Variants in EIF4G3 observed in about 807,000 individuals in gnomAD.
The protein encoded by EIF4G3 is eukaryotic translation initiation factor 4 gamma 3.
A neutral mutation model predicts 186.4 loss-of-function variants in EIF4G3; 34 were observed. The ratio of observed to expected loss-of-function variants is 0.18; its 90% confidence interval spans 0.14 to 0.24. The LOEUF (loss-of-function observed/expected upper bound fraction) is 0.24. Among genes scored for constraint, EIF4G3 ranks in the 10% least tolerant of loss-of-function variants. The probability of loss-of-function intolerance (pLI) is 1.00; values close to 1 mark genes in which losing one functional copy is unlikely to be tolerated. For missense variants in EIF4G3, 1,536 were observed against 1,948.5 expected (o/e 0.79, Z 3.99); for synonymous variants, 673 against 679.5 (o/e 0.99, Z 0.15).
intron 12 of EIF4G3, among the ~76,000 whole-genome samples, chr1:20,968,537 A>G (rs1161813120): frequency 2.0e-5 from 3 of 152,118 alleles, no homozygotes; most frequent in Non-Finnish European, 4.4e-5. Context: ...AGTTTACTAA[A>G]CTCCAGTTTC....
chr1:20,941,761 AAGGGGTGATGGG>A lies in EIF4G3; in HGVS notation c.1381_1392del (p.Pro461_Pro464del). On this transcript the variant is annotated inframe_deletion, in exon 14 of 37. Transcript: ENST00000602326. ...GTTGGAGGAAAGGAAGGAACTGTGG[AAGGGGTGATGGG>A]AGCTGGGATACACTCCAGTTTCATT... 1 of 1,611,552 alleles carries A rather than the reference AAGGGGTGATGGG, an allele frequency of 6.2e-7. No homozygotes were observed. The highest frequency in any genetic ancestry group is 1.1e-5 in the South Asian group (1 of 90,692).
intron 14 of EIF4G3, among the ~76,000 whole-genome samples, chr1:20,928,225 T>A (rs1366914286): frequency 6.6e-6 from 1 of 152,156 alleles, no homozygotes; most frequent in Non-Finnish European, 1.5e-5. Context: ...TGTATAAATT[T>A]ATTTATACAA....
At position 21,119,667 on chromosome 1, in the gene EIF4G3, TGGCTTG is replaced by T. The variant is rs1443835582; in HGVS notation, c.-271-30460_-271-30455del. Reference sequence around the variant, plus strand: ...TAACCATAACCTATAGATCTGCAGGTGGCTTGTGCTATTAACTATTACTTTTTTTAA... The same window carrying T: ...TAACCATAACCTATAGATCTGCAGGTTGCTATTAACTATTACTTTTTTTAA... On this transcript the variant is annotated intron_variant, in intron 2 of 36. Transcript: ENST00000602326. Among the ~76,000 whole-genome samples, 11 of 152,300 alleles carry T rather than the reference TGGCTTG, an allele frequency of 7.2e-5. No homozygotes were observed. The East Asian group carries it at 1.9e-3, about 27-fold the overall frequency.
intron 24 of EIF4G3, among the ~76,000 whole-genome samples, chr1:20,858,762 C>G (rs181205660): frequency 1.8e-3 from 271 of 152,010 alleles, no homozygotes; most frequent in Admixed American, 3.3e-3. Flanking sequence ...TTTGGGAGGC[C>G]GAGGCAGGTG....
chr1:20,868,416 A>C (rs1484030097), intron 20 of EIF4G3, among the ~76,000 whole-genome samples: 1 of 152,000 alleles, frequency 6.6e-6, no homozygotes, highest in African/African-American at 2.4e-5. Context: ...CATGACAGGG[A>C]GAGAAACAGC....
chr1:20,972,929 G>T (rs2076185881), intron 11 of EIF4G3, 73 bp downstream of exon 11: 4 of 1,169,320 alleles, frequency 3.4e-6, no homozygotes, highest in East Asian at 5.3e-5. Context: ...GATGAATAAT[G>T]ACTACGTAAA....
intron 24 of EIF4G3, among the ~76,000 whole-genome samples, 165 bp downstream of exon 24, chr1:20,860,220 T>C (rs972994949): frequency 2.6e-5 from 4 of 152,214 alleles, no homozygotes; most frequent in Admixed American, 2.0e-4. Context: ...TTCTCTACTT[T>C]TACTCAGTAA....
intron 2 of EIF4G3, among the ~76,000 whole-genome samples, chr1:21,116,420 T>C (rs559539902): frequency 1.3e-5 from 2 of 152,224 alleles, no homozygotes; most frequent in East Asian, 3.9e-4. Flanking sequence ...ACTCACTAGG[T>C]TTATCTTAAC....
intron 14 of EIF4G3, among the ~76,000 whole-genome samples, chr1:20,930,318 T>C (rs2095245553): frequency 6.6e-6 from 1 of 152,190 alleles, no homozygotes; most frequent in Non-Finnish European, 1.5e-5. Flanking sequence ...TTTCTCTGTA[T>C]CATGTGATAC....
chr1:20,862,284 T>C lies in EIF4G3; in HGVS notation c.3055A>G (p.Arg1019Gly). The C allele has an allele frequency of 6.2e-7, 1 of 1,613,252 alleles. No individual in the cohort carries two copies. The highest frequency in any genetic ancestry group is 8.5e-7 in the Non-Finnish European group (1 of 1,179,538). ...FNQMEKIVKE[R>G]KTSSRIRFML... ...AACCGAATCCTAGATGAGGTTTTTC[T>C]TTCTTTCACAATTTTCTCCATCTGA... The change falls in exon 23 of 37, where the codon AGA becomes GGA. Residue 1019 changes from arginine to glycine, a missense_variant. Transcript: ENST00000602326.
intron 4 of EIF4G3, among the ~76,000 whole-genome samples, chr1:21,010,051 T>TA (rs2086535490): frequency 6.6e-6 from 1 of 152,224 alleles, no homozygotes; most frequent in Non-Finnish European, 1.5e-5. Context: ...TGGTAGCTAT[T>TA]AGCCACATGT....
chr1:21,070,664 A>G (rs530114918), intron 3 of EIF4G3, among the ~76,000 whole-genome samples: 12 of 147,032 alleles, frequency 8.2e-5, no homozygotes, highest in Non-Finnish European at 1.5e-4. Context: ...ATGTGCAAAC[A>G]TAAAATAAAA....
chr1:20,823,473 C>A (rs2154546526), intron 33 of EIF4G3, among the ~76,000 whole-genome samples: 2 of 152,144 alleles, frequency 1.3e-5, no homozygotes, highest in East Asian at 3.9e-4. Flanking sequence ...CCTTAAACTC[C>A]CACGCTCTAG....
chr1:20,900,305 C>T (rs1171136768), intron 15 of EIF4G3, among the ~76,000 whole-genome samples: 2 of 152,058 alleles, frequency 1.3e-5, no homozygotes, highest in Non-Finnish European at 2.9e-5. Context: ...TAAAGCTCAA[C>T]AAATATAAAA....
chr1:21,000,149 G>A (rs944765242), intron 6 of EIF4G3, among the ~76,000 whole-genome samples: 1 of 150,434 alleles, frequency 6.6e-6, no homozygotes, highest in East Asian at 1.9e-4. Context: ...AACAACTACT[G>A]CTGTTTAAAA....
chr1:21,103,096 T>A (rs2096555504), intron 2 of EIF4G3, among the ~76,000 whole-genome samples: 1 of 152,246 alleles, frequency 6.6e-6, no homozygotes, highest in Middle Eastern at 3.2e-3. Context: ...GTACAATGTC[T>A]CACTAAAGCT....
At chr1:21,024,256 G>C (rs560450827) in intron 4 of EIF4G3, among the ~76,000 whole-genome samples, 179 of 150,408 alleles carry the variant, frequency 1.2e-3, no homozygotes, top group African/African-American at 4.2e-3. Flanking sequence ...GCCCCGTCCG[G>C]GAGGTGAGGG....
chr1:21,113,907 T>C (rs1361658866), intron 2 of EIF4G3, among the ~76,000 whole-genome samples: 1 of 152,154 alleles, frequency 6.6e-6, no homozygotes, highest in Non-Finnish European at 1.5e-5. Flanking sequence ...TCCCAGCTAC[T>C]TGGGAGGTTG....
At position 21,170,126 on chromosome 1, in the gene EIF4G3, G is replaced by A. The variant is rs115860802; in HGVS notation, c.-272+6049C>T. On this transcript the variant is annotated intron_variant, in intron 2 of 36. Coordinates refer to ENST00000602326, the MANE Select transcript of EIF4G3 (RefSeq NM_001391906.1). ...GGAGGCGGAGGTTGAAGTGAACTGAGATTGTGCCACTAGCACTCCAGCCAG... is the reference window on the plus strand; with the variant it reads ...GGAGGCGGAGGTTGAAGTGAACTGAAATTGTGCCACTAGCACTCCAGCCAG... 5.5e-3 allele frequency among the ~76,000 whole-genome samples: 833 copies of A among 152,154 alleles called. 8 individuals are homozygous for A. The highest frequency in any genetic ancestry group is 0.019 in the African/African-American group (802 of 41,504).
Sources: gnomAD v4.1 joint callset for allele counts (sites outside exome capture counted in the v4.1 genomes callset) on GRCh38, gnomAD v4.1.1 for gene constraint, MANE v1.5 for transcripts, NCBI Gene and HGNC (gene_info 2026-07-23, HGNC 2026-07-21) for gene names.